BRD7: variants seen among roughly 807,000 people sequenced by gnomAD.
BRD7 encodes bromodomain-containing protein 7.
In BRD7, 15 loss-of-function variants were observed where a neutral mutation model predicts 82.1. The ratio of observed to expected loss-of-function variants is 0.18; its 90% CI spans 0.12 to 0.28. BRD7 has a LOEUF of 0.28. BRD7 is among the 10% of genes least tolerant of loss of function. The pLI, the probability that BRD7 is intolerant of heterozygous loss-of-function variation, is 1.00. For synonymous variants in BRD7, 232 were observed against 266.9 expected (o/e 0.87, Z 1.27); for missense variants, 638 against 779.9 (o/e 0.82, Z 2.17).
At chr16:50,321,836 A>G in intron 13 of BRD7, 146 bp downstream of exon 13, 4 of 707,288 alleles carry the variant, frequency 5.7e-6, no homozygotes, top group Non-Finnish European at 9.7e-6. Flanking sequence ...ATATGCATTT[A>G]TGGTTTGCCA....
At chr16:50,368,003 TC>T in intron 2 of BRD7, 86 bp downstream of exon 2, 1 of 1,367,082 alleles carries the variant, frequency 7.3e-7, no homozygotes, top group Non-Finnish European at 1.0e-6. Flanking sequence ...GCGTTTGTTT[TC>T]CCCAGATACA....
At chr16:50,347,471 T>C (rs2038334397) in intron 5 of BRD7, among the ~76,000 whole-genome samples, 1 of 152,126 alleles carries the variant, frequency 6.6e-6, no homozygotes, top group Non-Finnish European at 1.5e-5. Flanking sequence ...AGTCAAATTG[T>C]CCCTGTTTGC....
chr16:50,364,820 T>C (rs2039076772), intron 2 of BRD7, among the ~76,000 whole-genome samples: 1 of 152,196 alleles, frequency 6.6e-6, no homozygotes, highest in African/African-American at 2.4e-5. Context: ...GTAATCGATA[T>C]AAAGATAACG....
At chr16:50,349,424 T>TA (rs903145367) in intron 5 of BRD7, 11,149 of 308,950 alleles carry the variant, frequency 0.036, no homozygotes, top group South Asian at 0.061. Flanking sequence ...GTAAACCATC[T>TA]AAAAAAAAAA....
chr16:50,350,231 G>A (rs1339035956), intron 4 of BRD7, 64 bp from the exon 5 acceptor site: 3 of 1,274,656 alleles, frequency 2.4e-6, no homozygotes, highest in Non-Finnish European at 3.1e-6. Flanking sequence ...TATTGGTCTA[G>A]GAGCAGAAGT....
intron 9 of BRD7, among the ~76,000 whole-genome samples, chr16:50,327,754 T>C (rs1353094556): frequency 1.3e-5 from 2 of 152,186 alleles, no homozygotes; most frequent in East Asian, 1.9e-4. Flanking sequence ...TATTTATTCA[T>C]TATAGACACA....
chr16:50,346,224 G>A (rs998455335), intron 5 of BRD7, among the ~76,000 whole-genome samples: 3 of 152,182 alleles, frequency 2.0e-5, no homozygotes, highest in Non-Finnish European at 2.9e-5. Context: ...AAACCAATGA[G>A]AACAAACACA....
chr16:50,357,183 G>A (rs184410510), intron 2 of BRD7, among the ~76,000 whole-genome samples: 92 of 152,336 alleles, frequency 6.0e-4, no homozygotes, highest in African/African-American at 2.1e-3. Context: ...CTGCAGGTAT[G>A]GGGTAGAGAC....
intron 5 of BRD7, chr16:50,349,029 G>A (rs1454888803): frequency 1.3e-5 from 2 of 152,926 alleles, no homozygotes; most frequent in Non-Finnish European, 1.5e-5. Flanking sequence ...ATGATAGACT[G>A]GATTAAGAAA....
intron 9 of BRD7, among the ~76,000 whole-genome samples, 199 bp from the exon 10 acceptor site, chr16:50,326,590 C>T (rs867865675): frequency 6.6e-6 from 1 of 152,182 alleles, no homozygotes; most frequent in African/African-American, 2.4e-5. Context: ...AAAACTCAGA[C>T]CTGTTCATTA....
At chr16:50,321,372 CCAACATAGTGAAA>C (rs773809566) in intron 13 of BRD7, among the ~76,000 whole-genome samples, 1 of 151,856 alleles carries the variant, frequency 6.6e-6, no homozygotes, top group Non-Finnish European at 1.5e-5. Flanking sequence ...ACCAGCCTGG[CCAACATAGTGAAA>C]CCCTGTCTCT....
At chr16:50,323,521 A>G (rs2037206822) in intron 12 of BRD7, 66 bp downstream of exon 12, 2 of 1,269,666 alleles carry the variant, frequency 1.6e-6, no homozygotes, top group Non-Finnish European at 2.3e-6. Flanking sequence ...TGGTTTCATT[A>G]TACTGAATGA....
At chr16:50,320,602 C>T in intron 14 of BRD7, 61 bp downstream of exon 14, 1 of 1,442,114 alleles carries the variant, frequency 6.9e-7, no homozygotes, top group Non-Finnish European at 9.8e-7. Context: ...ACTTATGAGA[C>T]ATGAAATCTT....
At position 50,349,856 on chromosome 16, in the gene BRD7, T is replaced by A. The variant is rs2038448685; in HGVS notation, c.591+167A>T. On this transcript the variant is annotated intron_variant, in intron 5 of 16. Coordinates refer to ENST00000394688, the MANE Select transcript of BRD7 (RefSeq NM_013263.5). The stretch of plus-strand genomic sequence containing the variant: ...TATCAGAGGACCTATTTCATCTGGT[T>A]TTCCATCACCAAGCTCATAAAGTTT... Among the ~76,000 whole-genome samples the A allele has an allele frequency of 2.6e-5, 4 of 152,186 alleles. No homozygotes were observed. The South Asian group carries it at 8.3e-4, about 32-fold the overall frequency.
intron 5 of BRD7, among the ~76,000 whole-genome samples, chr16:50,342,985 A>G (rs987351614): frequency 3.3e-5 from 5 of 152,330 alleles, no homozygotes; most frequent in Admixed American, 2.0e-4. Context: ...TATATATATT[A>G]TAAGTTTTCA....
chr16:50,329,869 T>C (rs1356826059), intron 8 of BRD7, among the ~76,000 whole-genome samples: 1 of 152,204 alleles, frequency 6.6e-6, no homozygotes, highest in African/African-American at 2.4e-5. Flanking sequence ...ATTTGGGCTA[T>C]ACATATACAC....
Position 50,338,066 on chromosome 16 carries a change from C to T in BRD7, c.702+1910G>A, listed in dbSNP as rs2037890456. On this transcript the variant is annotated intron_variant, in intron 6 of 16. Transcript: ENST00000394688. Reference sequence around the variant, plus strand: ...AAATCAAAGGTCATTAAAAATTAGGCTCCCACCACCCAATTCAATGTACAT... The same window carrying T: ...AAATCAAAGGTCATTAAAAATTAGGTTCCCACCACCCAATTCAATGTACAT... 3.3e-5 allele frequency among the ~76,000 whole-genome samples: 5 copies of T among 152,244 alleles called. No individual in the cohort carries two copies. In the South Asian group the frequency reaches 1.0e-3, roughly 32 times the overall value.
chr16:50,338,753 G>A (rs1217185891), intron 6 of BRD7, among the ~76,000 whole-genome samples: 1 of 152,120 alleles, frequency 6.6e-6, no homozygotes, highest in Non-Finnish European at 1.5e-5. Context: ...CCCTTCTTTA[G>A]GGATGAGAAC....
intron 8 of BRD7, among the ~76,000 whole-genome samples, chr16:50,329,560 C>T (rs925285388): frequency 5.3e-5 from 8 of 152,186 alleles, no homozygotes; most frequent in South Asian, 4.1e-4. Context: ...GCAGCCACTT[C>T]CTCGTTGAGT....
Sources: allele counts gnomAD v4.1 joint callset (sites outside exome capture counted in the v4.1 genomes callset), GRCh38; gene constraint gnomAD v4.1.1; transcripts MANE v1.5; gene names NCBI Gene and HGNC (gene_info 2026-07-23, HGNC 2026-07-21).